CTNNA3: variants seen among roughly 807,000 people sequenced by gnomAD.
CTNNA3 encodes catenin alpha-3.
A neutral mutation model predicts 95.7 loss-of-function variants in CTNNA3; 76 were observed. The observed-to-expected ratio is 0.79, with a 90% CI of 0.66 to 0.96. The LOEUF (loss-of-function observed/expected upper bound fraction) is 0.96, where lower values mean the gene tolerates loss of function less well. CTNNA3 is among the 40% of genes least tolerant of loss of function. The probability of loss-of-function intolerance (pLI) is 0.00; values close to 1 mark genes in which losing one functional copy is unlikely to be tolerated. For synonymous variants in CTNNA3, 431 were observed against 374.4 expected (o/e 1.15, Z -1.74); for missense variants, 1,191 against 1,089.8 (o/e 1.09, Z -1.31).
chr10:67,451,990 G>T (rs993003942), intron 5 of CTNNA3, among the ~76,000 whole-genome samples: 1 of 143,948 alleles, frequency 6.9e-6, no homozygotes, highest in Admixed American at 6.9e-5. Context: ...CATAGTTAGA[G>T]TTCCGAAGGA....
At position 66,955,222 on chromosome 10, in the gene CTNNA3, C is replaced by G. The variant is rs192575902; in HGVS notation, c.1048-179698G>C. Reference sequence around the variant, plus strand: ...ATTCTGACTCAGGTACAATATAAGACAGGAAAATGGATGTTATATACATAG... The same window carrying G: ...ATTCTGACTCAGGTACAATATAAGAGAGGAAAATGGATGTTATATACATAG... On this transcript the variant is annotated intron_variant, in intron 7 of 17. Coordinates refer to ENST00000433211, the MANE Select transcript of CTNNA3 (RefSeq NM_013266.4). Among the ~76,000 whole-genome samples the G allele has an allele frequency of 1.3e-4, 19 of 151,804 alleles. No individual in the cohort carries two copies. In the East Asian group the frequency reaches 2.9e-3, roughly 23 times the overall value.
chr10:66,601,615 C>T (rs56306530), intron 10 of CTNNA3, among the ~76,000 whole-genome samples: 1,973 of 151,982 alleles, frequency 0.013, 22 homozygotes, highest in Non-Finnish European at 0.021. Flanking sequence ...AATGGGAGGA[C>T]TGCTTAGACT....
intron 1 of CTNNA3, among the ~76,000 whole-genome samples, chr10:67,724,759 A>T (rs1841199442): frequency 6.6e-6 from 1 of 152,168 alleles, no homozygotes; most frequent in African/African-American, 2.4e-5. Flanking sequence ...TACGGCCCGA[A>T]TCACTAAATC....
chr10:67,340,125 G>A (rs1454878967), intron 5 of CTNNA3, among the ~76,000 whole-genome samples: 1 of 152,094 alleles, frequency 6.6e-6, no homozygotes. Context: ...AGAAAAGAAT[G>A]CTTGGAATGT....
At chr10:66,964,146 A>T (rs1300984286) in intron 7 of CTNNA3, among the ~76,000 whole-genome samples, 2 of 152,038 alleles carry the variant, frequency 1.3e-5, no homozygotes, top group South Asian at 2.1e-4. Flanking sequence ...CACCGCACCC[A>T]GCCAGACATC....
At chr10:66,293,501 T>C (rs890871868) in intron 12 of CTNNA3, among the ~76,000 whole-genome samples, 13 of 152,090 alleles carry the variant, frequency 8.5e-5, no homozygotes, top group African/African-American at 2.4e-4. Context: ...GAATCTATTC[T>C]TAATTTGATA....
intron 13 of CTNNA3, among the ~76,000 whole-genome samples, chr10:66,140,272 G>A (rs962197105): frequency 6.6e-6 from 1 of 152,114 alleles, no homozygotes; most frequent in African/African-American, 2.4e-5. Flanking sequence ...CCCCCTTCAA[G>A]GAGATTAATT....
At chr10:66,909,510 AAAATAAAT>A (rs3056543) in intron 7 of CTNNA3, among the ~76,000 whole-genome samples, 119,668 of 150,366 alleles carry the variant, frequency 0.8, 48,690 homozygotes, top group Non-Finnish European at 0.89. Flanking sequence ...ACTCCATCTC[AAAATAAAT>A]AAATAAATAA....
chr10:66,052,195 G>T (rs7898030), intron 15 of CTNNA3, among the ~76,000 whole-genome samples: 61 of 152,260 alleles, frequency 4.0e-4, no homozygotes, highest in African/African-American at 1.4e-3. Flanking sequence ...TAAGTGCCAT[G>T]ATAATTACAA....
In CTNNA3 at chr10:66,009,396, A is replaced by T. The variant is rs1419330835; in HGVS notation, c.2160-20599T>A. Among the ~76,000 whole-genome samples, 6 of 152,222 alleles carry T rather than the reference A, an allele frequency of 3.9e-5. No individual in the cohort carries two copies. In the East Asian group the frequency reaches 1.2e-3, roughly 29 times the overall value. ...GTGATAATGTTGAAAGCTACAGAAC[A>T]AGTGACAGCACCACAGACAACCCTT... On this transcript the variant is annotated intron_variant, in intron 15 of 17. Transcript: ENST00000433211.
chr10:67,184,215 T>A (rs540860399), intron 6 of CTNNA3, among the ~76,000 whole-genome samples: 3 of 152,274 alleles, frequency 2.0e-5, no homozygotes, highest in South Asian at 4.1e-4. Context: ...ACAAAATGTC[T>A]TGAGAATCCC....
chr10:67,046,617 C>T (rs1331067154), intron 7 of CTNNA3, among the ~76,000 whole-genome samples: 1 of 151,326 alleles, frequency 6.6e-6, no homozygotes, highest in Non-Finnish European at 1.5e-5. Flanking sequence ...CGTAATAAGA[C>T]TTCAGGAAAA....
At chr10:67,367,206 G>A (rs1843248624) in intron 5 of CTNNA3, among the ~76,000 whole-genome samples, 1 of 152,038 alleles carries the variant, frequency 6.6e-6, no homozygotes, top group Non-Finnish European at 1.5e-5. Flanking sequence ...CTAAAATCCA[G>A]ACTCTATAAG....
Position 67,597,772 on chromosome 10 carries a change from A to T in CTNNA3, c.292+9085T>A, listed in dbSNP as rs570791306. 1.3e-4 allele frequency among the ~76,000 whole-genome samples: 20 copies of T among 152,292 alleles called. 1 individual carries two copies. In the South Asian group the frequency reaches 3.7e-3, roughly 28 times the overall value. ...AGTGGTAGGGCGGTGGGGGCTGTGC[A>T]TGCACATGTGCTCCAGTGGCACCAG... On this transcript the variant is annotated intron_variant, in intron 3 of 17. Transcript: ENST00000433211.
At chr10:67,044,633 T>C (rs1589653646) in intron 7 of CTNNA3, among the ~76,000 whole-genome samples, 1 of 152,200 alleles carries the variant, frequency 6.6e-6, no homozygotes, top group Non-Finnish European at 1.5e-5. Flanking sequence ...GCTCATGTTA[T>C]ATTAAGTTTG....
intron 7 of CTNNA3, among the ~76,000 whole-genome samples, chr10:66,890,692 C>T (rs751764824): frequency 1.4e-4 from 21 of 152,068 alleles, no homozygotes; most frequent in Non-Finnish European, 2.1e-4. Flanking sequence ...ATAGAAAGAA[C>T]GGAGATGAGC....
intron 13 of CTNNA3, among the ~76,000 whole-genome samples, chr10:66,179,447 T>C (rs939125828): frequency 1.3e-5 from 2 of 152,238 alleles, no homozygotes; most frequent in Non-Finnish European, 1.5e-5. Flanking sequence ...AAATCGCCTG[T>C]ATCTTAATTG....
At chr10:67,028,830 T>C (rs1022729869) in intron 7 of CTNNA3, among the ~76,000 whole-genome samples, 7 of 152,282 alleles carry the variant, frequency 4.6e-5, no homozygotes, top group Admixed American at 6.5e-5. Flanking sequence ...ATTAGGAAGA[T>C]AGGAAATCCC....
chr10:67,182,305 A>G (rs1049130110), intron 6 of CTNNA3, among the ~76,000 whole-genome samples: 1 of 152,232 alleles, frequency 6.6e-6, no homozygotes, highest in Non-Finnish European at 1.5e-5. Context: ...ACAAGGCTAC[A>G]GTAACCAAAA....
Sources: gnomAD v4.1 joint callset for allele counts (sites outside exome capture counted in the v4.1 genomes callset) on GRCh38, gnomAD v4.1.1 for gene constraint, MANE v1.5 for transcripts, NCBI Gene and HGNC (gene_info 2026-07-23, HGNC 2026-07-21) for gene names.